EHBP1: variants seen among roughly 807,000 people sequenced by gnomAD.
EHBP1 encodes the protein EH domain binding protein 1.
Under a neutral mutation model 144.0 loss-of-function variants are expected in EHBP1, and 55 were observed. That is an observed-to-expected ratio of 0.38 (90% CI 0.31 to 0.48). The LOEUF is 0.48. EHBP1 is among the 20% of genes least tolerant of loss of function. The pLI, the probability that EHBP1 is intolerant of heterozygous loss-of-function variation, is 0.98. For synonymous variants in EHBP1, 469 were observed against 472.7 expected, an observed-to-expected ratio of 0.99 and a Z score of 0.10; for missense variants, 1,200 against 1,364.2, an observed-to-expected ratio of 0.88 and a Z score of 1.90.
chr2:62,952,258 C>T (rs2057430337), intron 13 of EHBP1, among the ~76,000 whole-genome samples: 1 of 152,142 alleles, frequency 6.6e-6, no homozygotes, highest in African/African-American at 2.4e-5. Flanking sequence ...TAGGTGCTGA[C>T]ATTTGGTAGG....
At chr2:62,749,828 T>G (rs1418086560) in intron 3 of EHBP1, among the ~76,000 whole-genome samples, 3 of 152,076 alleles carry the variant, frequency 2.0e-5, no homozygotes, top group Non-Finnish European at 2.9e-5. Flanking sequence ...GTTGATGGAG[T>G]TGTTTGTTTT....
At chr2:62,994,028 A>G in intron 18 of EHBP1, 51 bp downstream of exon 18, 1 of 1,280,500 alleles carries the variant, frequency 7.8e-7, no homozygotes. Context: ...TCCAAACTGT[A>G]TGTGGAAATA....
intron 2 of EHBP1, among the ~76,000 whole-genome samples, chr2:62,728,200 A>G (rs186077290): frequency 4.9e-4 from 75 of 151,618 alleles, no homozygotes; most frequent in African/African-American, 1.7e-3. Flanking sequence ...TCTTTAAGTA[A>G]AAGGCATGGT....
chr2:62,877,036 G>T (rs1157201671), intron 10 of EHBP1, among the ~76,000 whole-genome samples: 3 of 152,038 alleles, frequency 2.0e-5, no homozygotes, highest in African/African-American at 7.2e-5. Flanking sequence ...ACTTGCCATT[G>T]TGTGCCCCAC....
chr2:62,902,699 G>A (rs2053511269), intron 10 of EHBP1, among the ~76,000 whole-genome samples: 1 of 152,112 alleles, frequency 6.6e-6, no homozygotes, highest in South Asian at 2.1e-4. Flanking sequence ...GGTTATAAAT[G>A]AAAAGTAACA....
intron 10 of EHBP1, among the ~76,000 whole-genome samples, chr2:62,924,221 A>G (rs759619495): frequency 2.6e-5 from 4 of 152,178 alleles, no homozygotes; most frequent in Non-Finnish European, 5.9e-5. Context: ...AAAGTAACCT[A>G]TGGCCACAGG....
At position 62,791,542 on chromosome 2, in the gene EHBP1, G is replaced by A. The variant is rs536803808; in HGVS notation, c.312+20150G>A. Among the ~76,000 whole-genome samples, 3 of 151,988 alleles carry A rather than the reference G, an allele frequency of 2.0e-5. No individual in the cohort carries two copies. The South Asian group carries it at 6.2e-4, about 31-fold the overall frequency. On this transcript the variant is annotated intron_variant, in intron 5 of 22. Coordinates refer to ENST00000431489, the MANE Select transcript of EHBP1 (RefSeq NM_001142616.3). ...TTTTGAATAATATAAGAACATTTTA[G>A]TTTCATTTTAAAAGATGGTTATTAT...
chr2:63,041,780 C>A (rs185603145), intron 21 of EHBP1, among the ~76,000 whole-genome samples: 1 of 152,220 alleles, frequency 6.6e-6, no homozygotes, highest in Non-Finnish European at 1.5e-5. Flanking sequence ...TGACTGCAAT[C>A]CCCCAATGTG....
chr2:62,740,959 A>G (rs1386766040), intron 2 of EHBP1, among the ~76,000 whole-genome samples: 1 of 152,128 alleles, frequency 6.6e-6, no homozygotes, highest in Non-Finnish European at 1.5e-5. Flanking sequence ...TTTCTAGAAC[A>G]TTGAGGGGTT....
chr2:62,750,656 C>T (rs964964787), intron 3 of EHBP1, among the ~76,000 whole-genome samples: 28 of 152,148 alleles, frequency 1.8e-4, no homozygotes, highest in Admixed American at 1.7e-3. Flanking sequence ...TCTTTTATTT[C>T]GCTGAGCAGT....
At chr2:62,900,684 G>GTATATATATATATATATATATA (rs147278087) in intron 10 of EHBP1, among the ~76,000 whole-genome samples, 4 of 141,488 alleles carry the variant, frequency 2.8e-5, no homozygotes, top group African/African-American at 1.1e-4. Flanking sequence ...GTGTGTATGT[G>GTATATATATATATATATATATA]TATATATATA....
intron 19 of EHBP1, among the ~76,000 whole-genome samples, chr2:63,026,428 C>T (rs1263070294): frequency 1.3e-5 from 2 of 151,880 alleles, no homozygotes; most frequent in Admixed American, 6.6e-5. Context: ...TACCATGAGC[C>T]TGGCACTATT....
At chr2:62,825,992 A>G in intron 5 of EHBP1, 95 bp from the exon 6 acceptor site, 1 of 911,994 alleles carries the variant, frequency 1.1e-6, no homozygotes, top group Non-Finnish European at 1.5e-6. Context: ...GGAAGTTTTC[A>G]ATTATTATTT....
chr2:62,809,074 C>T lies in EHBP1; in HGVS notation c.313-17013C>T, dbSNP rs144124592. ...TTGGGAGGCCGAGGCGGACAGATCA[C>T]GAGGTCAGGAGTTCGAGAGCAGCCT... is the stretch of plus-strand genomic sequence containing the variant. On this transcript the variant is annotated intron_variant, in intron 5 of 22. Transcript: ENST00000431489. Among the ~76,000 whole-genome samples the T allele has an allele frequency of 2.3e-3, 347 of 152,122 alleles. 2 individuals are homozygous for T. The highest frequency in any genetic ancestry group is 7.8e-3 in the African/African-American group (324 of 41,502).
intron 3 of EHBP1, among the ~76,000 whole-genome samples, chr2:62,750,588 C>A (rs1336581728): frequency 6.6e-6 from 1 of 152,186 alleles, no homozygotes; most frequent in Admixed American, 6.5e-5. Flanking sequence ...TGGCCATTTT[C>A]ATGATATTCA....
chr2:62,828,606 A>T (rs1190328824), intron 6 of EHBP1, among the ~76,000 whole-genome samples: 1 of 152,160 alleles, frequency 6.6e-6, no homozygotes, highest in African/African-American at 2.4e-5. Context: ...AAAACAATAT[A>T]CTTAAGCAAG....
At chr2:62,830,971 C>T in intron 6 of EHBP1, 48 bp from the exon 7 acceptor site, 1 of 1,563,080 alleles carries the variant, frequency 6.4e-7, no homozygotes. Context: ...CATCATTTTT[C>T]TAACTGTCAT....
At chr2:62,959,608 G>A (rs376655064) in intron 14 of EHBP1, among the ~76,000 whole-genome samples, 1 of 152,072 alleles carries the variant, frequency 6.6e-6, no homozygotes, top group African/African-American at 2.4e-5. Flanking sequence ...ATCTTGATTT[G>A]CACTTTCCTG....
intron 13 of EHBP1, among the ~76,000 whole-genome samples, chr2:62,951,424 A>G (rs1029243031): frequency 6.6e-6 from 1 of 151,898 alleles, no homozygotes; most frequent in Non-Finnish European, 1.5e-5. Context: ...TCAGGACAGC[A>G]TATGTCCACA....
Sources: allele counts gnomAD v4.1 joint callset (sites outside exome capture counted in the v4.1 genomes callset), GRCh38; gene constraint gnomAD v4.1.1; transcripts MANE v1.5; gene names NCBI Gene and HGNC (gene_info 2026-07-23, HGNC 2026-07-21).